The following ARPC2 variants were observed in gnomAD, a reference collection of about 807,000 sequenced individuals.
The protein encoded by ARPC2 is actin-related protein 2/3 complex subunit 2.
ARPC2 carries 4 observed loss-of-function variants against 38.6 expected under a neutral mutation model. The observed-to-expected ratio is 0.10, with a 90% CI of 0.05 to 0.24. The LOEUF (loss-of-function observed/expected upper bound fraction) is 0.24. Ranked by LOEUF, ARPC2 falls within the 10% of genes least tolerant of loss-of-function variation. ARPC2 has a pLI of 1.00. For missense variants in ARPC2, 229 were observed against 387.3 expected (o/e 0.59, Z 3.43); for synonymous variants, 125 against 140.8 (o/e 0.89, Z 0.79).
chr2:218,253,072 A>G (rs1335766485), intron 10 of ARPC2: 1 of 442,674 alleles, frequency 2.3e-6, no homozygotes, highest in Admixed American at 2.5e-5. Flanking sequence ...GGCAGAAGCC[A>G]GGAACCCTCG....
chr2:218,239,591 GA>G, intron 7 of ARPC2, 107 bp downstream of exon 7: 1 of 792,846 alleles, frequency 1.3e-6, no homozygotes, highest in Non-Finnish European at 2.0e-6. Context: ...ACTGATGTTA[GA>G]ATTTTTTTTT....
At chr2:218,253,297 C>G (rs1269882284) in intron 10 of ARPC2, among the ~76,000 whole-genome samples, 1 of 152,160 alleles carries the variant, frequency 6.6e-6, no homozygotes, top group African/African-American at 2.4e-5. Context: ...TTGAGAACCA[C>G]CTAGCCCATC....
At chr2:218,242,669 T>C (rs750296452) in intron 7 of ARPC2, among the ~76,000 whole-genome samples, 4 of 152,230 alleles carry the variant, frequency 2.6e-5, no homozygotes, top group Non-Finnish European at 4.4e-5. Context: ...CTTGTGGATT[T>C]CTCCTGATCT....
intron 2 of ARPC2, among the ~76,000 whole-genome samples, chr2:218,220,043 T>A (rs892635001): frequency 6.6e-6 from 1 of 152,096 alleles, no homozygotes; most frequent in African/African-American, 2.4e-5. Context: ...ATTCTACCAG[T>A]GCTCAGCCCA....
intron 4 of ARPC2, 142 bp downstream of exon 4, chr2:218,228,992 A>G (rs1036014836): frequency 2.0e-5 from 11 of 555,162 alleles, no homozygotes; most frequent in Middle Eastern, 6.8e-4. Context: ...CTTGATTCCT[A>G]TAATGAATTG....
At chr2:218,233,490 C>A (rs1303611402) in intron 4 of ARPC2, 1 of 151,798 alleles carries the variant, frequency 6.6e-6, no homozygotes, top group Non-Finnish European at 1.5e-5. Flanking sequence ...TGGAAAGTAG[C>A]CAGCAGTAGG....
At chr2:218,252,998 G>A (rs1280558743) in intron 10 of ARPC2, 2 of 456,844 alleles carry the variant, frequency 4.4e-6, no homozygotes, top group African/African-American at 4.0e-5. Flanking sequence ...ACAAACAGCT[G>A]CATCCACCCT....
chr2:218,247,162 G>A (rs1690058293), intron 8 of ARPC2, among the ~76,000 whole-genome samples: 1 of 152,184 alleles, frequency 6.6e-6, no homozygotes, highest in Non-Finnish European at 1.5e-5. Flanking sequence ...CACCTAAGCA[G>A]CTAGATGGGG....
At position 218,217,262 on chromosome 2, in the gene ARPC2, G is replaced by T; in HGVS notation, c.-9+8G>T. On this transcript the variant is annotated splice_region_variant and intron_variant, in intron 1 of 10. Transcript: ENST00000315717. ...TCAGGCTTCGGGGGCCAGGTCGGTT[G>T]GGTGGGTGGGTGTCTCCACAGTCTG... The T allele has an allele frequency of 1.8e-6, 1 of 544,674 alleles. No individual in the cohort carries two copies. 33.7% of individuals were successfully genotyped at this position (544,674 alleles called of 1,614,324 possible).
At chr2:218,241,138 G>A (rs968262711) in intron 7 of ARPC2, among the ~76,000 whole-genome samples, 2 of 152,286 alleles carry the variant, frequency 1.3e-5, no homozygotes, top group African/African-American at 4.8e-5. Context: ...CCTTGGCAGG[G>A]TGGTAAAGAT....
chr2:218,234,267 T>C, intron 4 of ARPC2, 85 bp from the exon 5 acceptor site: 1 of 1,056,292 alleles, frequency 9.5e-7, no homozygotes, highest in South Asian at 1.5e-5. Flanking sequence ...AGGAAGAGCT[T>C]GGCAAGTGCA....
At position 218,217,446 on chromosome 2, in the gene ARPC2, C is replaced by A. The variant is rs370556012; in HGVS notation, c.-8-17C>A. On this transcript the variant is annotated splice_polypyrimidine_tract_variant and intron_variant, in intron 1 of 10. Coordinates refer to ENST00000315717, the MANE Select transcript of ARPC2 (RefSeq NM_152862.3). ...CCCACCCTCACCGGCCCTTGTTTCT[C>A]CTTCCCCTGGGGGCAGCCGCCGCCA... 3 of 1,613,300 alleles carry A rather than the reference C, an allele frequency of 1.9e-6. No homozygotes were observed. Among genetic ancestry groups the A allele is most frequent in the Non-Finnish European group, 2.5e-6 (3 of 1,179,456 alleles).
chr2:218,235,428 C>G (rs1369587315), intron 5 of ARPC2: 14 of 152,504 alleles, frequency 9.2e-5, no homozygotes, highest in African/African-American at 3.1e-4. Context: ...AAACTCCTAG[C>G]CTTGAGCAAT....
At chr2:218,220,574 A>G (rs953809922) in intron 2 of ARPC2, among the ~76,000 whole-genome samples, 2 of 152,088 alleles carry the variant, frequency 1.3e-5, no homozygotes, top group African/African-American at 2.4e-5. Context: ...CATATACTTC[A>G]GAATATAGTT....
At chr2:218,245,272 T>C (rs1690004501) in intron 7 of ARPC2, 148 bp from the exon 8 acceptor site, 1 of 917,490 alleles carries the variant, frequency 1.1e-6, no homozygotes. Context: ...GCACTTGTCA[T>C]ATTTCAGGTT....
At chr2:218,248,175 G>T (rs1690093224) in intron 8 of ARPC2, among the ~76,000 whole-genome samples, 1 of 152,132 alleles carries the variant, frequency 6.6e-6, no homozygotes, top group African/African-American at 2.4e-5. Context: ...TGTTTCTCTT[G>T]TGGTACATAA....
At position 218,252,877 on chromosome 2, in the gene ARPC2, AAC is replaced by A. The variant is rs1450596953; in HGVS notation, c.879-1012_879-1011del. 4.4e-5 allele frequency: 20 copies of A among 456,312 alleles called. No individual in the cohort carries two copies. In the Admixed American group the frequency reaches 4.7e-4, roughly 11 times the overall value. 28.3% of individuals were successfully genotyped at this position (456,312 alleles called of 1,614,324 possible). On this transcript the variant is annotated intron_variant, in intron 10 of 10. Coordinates refer to ENST00000315717, the MANE Select transcript of ARPC2 (RefSeq NM_152862.3). ...CAGGAAGGGATGAATCCTTAAAATG[AAC>A]AGACTGTTCATAAGCCTCCTCTCTG...
At chr2:218,230,004 CTG>C (rs1430200466) in intron 4 of ARPC2, among the ~76,000 whole-genome samples, 3 of 151,554 alleles carry the variant, frequency 2.0e-5, no homozygotes, top group Non-Finnish European at 2.9e-5. Context: ...GAGTCTCACT[CTG>C]TTGCCCCAGG....
intron 8 of ARPC2, among the ~76,000 whole-genome samples, chr2:218,248,141 C>T (rs1429944956): frequency 1.3e-5 from 2 of 152,126 alleles, no homozygotes; most frequent in East Asian, 1.9e-4. Flanking sequence ...CAATTCATAG[C>T]ATGTCACACT....
Sources: allele counts gnomAD v4.1 joint callset (sites outside exome capture counted in the v4.1 genomes callset), GRCh38; gene constraint gnomAD v4.1.1; transcripts MANE v1.5; gene names NCBI Gene and HGNC (gene_info 2026-07-23, HGNC 2026-07-21).